Variants in GALNT18 observed in about 807,000 individuals in gnomAD.
GALNT18 encodes the protein GalNAc-transferase 18.
A neutral mutation model predicts 69.5 loss-of-function variants in GALNT18; 44 were observed. The observed-to-expected ratio is 0.63, with a 90% confidence interval of 0.50 to 0.81. The LOEUF (loss-of-function observed/expected upper bound fraction) is 0.81. GALNT18 is among the 40% of genes least tolerant of loss of function. GALNT18 has a pLI of 0.00. For missense variants in GALNT18, 715 were observed against 810.0 expected (o/e 0.88, Z 1.42); for synonymous variants, 364 against 318.2 (o/e 1.14, Z -1.53).
rs140478849 is a variant in GALNT18, at chr11:11,323,292, C to T, written c.1512+3794G>A. Among the ~76,000 whole-genome samples, 693 of 152,312 alleles carry T rather than the reference C, an allele frequency of 4.5e-3. 11 individuals are homozygous for T. Among genetic ancestry groups the T allele is most frequent in the Non-Finnish European group, 3.8e-3 (260 of 68,038 alleles). On this transcript the variant is annotated intron_variant, in intron 9 of 10. Transcript: ENST00000227756. Reference sequence around the variant, plus strand: ...TTCATCCCAAGGCAAAATTTCTCTTCGAATGTGAGCCTGTGGAATTAGATA... The same window carrying T: ...TTCATCCCAAGGCAAAATTTCTCTTTGAATGTGAGCCTGTGGAATTAGATA...
chr11:11,517,155 C>G (rs754237094), intron 1 of GALNT18, among the ~76,000 whole-genome samples: 1 of 152,224 alleles, frequency 6.6e-6, no homozygotes, highest in Non-Finnish European at 1.5e-5. Context: ...GGACTTCCAG[C>G]CTCCAGAACT....
At chr11:11,303,039 T>C (rs1220358010) in intron 9 of GALNT18, among the ~76,000 whole-genome samples, 1 of 152,174 alleles carries the variant, frequency 6.6e-6, no homozygotes, top group African/African-American at 2.4e-5. Context: ...GTCAGCCCTG[T>C]TTGTGGCTAT....
intron 7 of GALNT18, among the ~76,000 whole-genome samples, chr11:11,336,677 C>A (rs1287410669): frequency 1.3e-5 from 2 of 152,122 alleles, no homozygotes; most frequent in South Asian, 4.1e-4. Context: ...AGGGGGTAAA[C>A]CTCCTAGGGA....
intron 3 of GALNT18, among the ~76,000 whole-genome samples, chr11:11,385,284 C>G (rs1349131200): frequency 6.9e-6 from 1 of 145,770 alleles, no homozygotes; most frequent in East Asian, 2.0e-4. Context: ...CCCACCTCCA[C>G]TATTGGGGAT....
chr11:11,581,364 G>A (rs1859079323), intron 1 of GALNT18, among the ~76,000 whole-genome samples: 1 of 152,202 alleles, frequency 6.6e-6, no homozygotes, highest in African/African-American at 2.4e-5. Flanking sequence ...AACAGAGCCA[G>A]GTGCTGGTCA....
At position 11,587,622 on chromosome 11, in the gene GALNT18, C is replaced by T. The variant is rs1859257738; in HGVS notation, c.235+33737G>A. 6.6e-6 allele frequency among the ~76,000 whole-genome samples: 1 copy of T among 152,140 alleles called. No individual in the cohort carries two copies. Among genetic ancestry groups the T allele is most frequent in the Admixed American group, 6.5e-5 (1 of 15,278 alleles). ...GAAGTTGATGTTTTACATGGAATGCCCTCACCAATGCTGTTTCCAAAGTTA... is the reference window on the plus strand; with the variant it reads ...GAAGTTGATGTTTTACATGGAATGCTCTCACCAATGCTGTTTCCAAAGTTA... On this transcript the variant is annotated intron_variant, in intron 1 of 10. Coordinates refer to ENST00000227756, the MANE Select transcript of GALNT18 (RefSeq NM_198516.3). The surrounding 1 kb of genome is among the most constrained non-coding windows in gnomAD (Gnocchi z 4.4).
Position 11,511,696 on chromosome 11 carries a change from G to C in GALNT18, c.236-62760C>G, listed in dbSNP as rs1374723734. On this transcript the variant is annotated intron_variant, in intron 1 of 10. Transcript: ENST00000227756. The surrounding 1 kb of genome is among the most constrained non-coding windows in gnomAD (Gnocchi z 4.9). ...CCTTTGGGAGGTGATTGGATCATAA[G>C]GGTGGAGCCCTCATCAATGGTATAT... 6.6e-6 allele frequency among the ~76,000 whole-genome samples: 1 copy of C among 152,142 alleles called. No homozygotes were observed. The highest frequency in any genetic ancestry group is 1.5e-5 in the Non-Finnish European group (1 of 68,028).
At chr11:11,443,827 G>C (rs879443318) in intron 2 of GALNT18, among the ~76,000 whole-genome samples, 2 of 152,216 alleles carry the variant, frequency 1.3e-5, no homozygotes, top group African/African-American at 4.8e-5. Context: ...TGGCTGAGGG[G>C]TCTGCCCTAC....
intron 10 of GALNT18, among the ~76,000 whole-genome samples, chr11:11,274,668 T>C (rs1848901435): frequency 2.0e-5 from 3 of 152,234 alleles, no homozygotes; most frequent in Admixed American, 2.0e-4. Flanking sequence ...GTCACCTACA[T>C]TAGGTATTTC....
At chr11:11,295,179 G>T (rs1849374107) in intron 9 of GALNT18, among the ~76,000 whole-genome samples, 2 of 152,298 alleles carry the variant, frequency 1.3e-5, no homozygotes, top group Non-Finnish European at 2.9e-5. Flanking sequence ...AAGCTCAGAA[G>T]TCTCTTTAGG....
intron 9 of GALNT18, among the ~76,000 whole-genome samples, chr11:11,306,235 ATG>A (rs1310727049): frequency 7.9e-5 from 12 of 151,524 alleles, no homozygotes; most frequent in Admixed American, 4.0e-4. Context: ...GTGTGTGTGT[ATG>A]TGTGTGTGTG....
rs1287814686 is a variant in GALNT18, at chr11:11,435,527, C to T, written c.429-2740G>A. ...GCTGAACACATTCTCTAGGGCATCA[C>T]ATTCGAACCTGTTTATTGTCTGCCC... On this transcript the variant is annotated intron_variant, in intron 2 of 10. Transcript: ENST00000227756. The surrounding 1 kb of genome is among the most constrained non-coding windows in gnomAD (Gnocchi z 4.4). Among the ~76,000 whole-genome samples the T allele has an allele frequency of 6.6e-6, 1 of 152,214 alleles. No homozygotes were observed. The highest frequency in any genetic ancestry group is 1.5e-5 in the Non-Finnish European group (1 of 68,042).
intron 3 of GALNT18, among the ~76,000 whole-genome samples, chr11:11,380,014 C>A (rs915875890): frequency 2.0e-5 from 3 of 152,224 alleles, no homozygotes; most frequent in African/African-American, 7.2e-5. Flanking sequence ...CCATGACAGC[C>A]CTCACAGTTG....
chr11:11,569,925 G>C (rs1009090695), intron 1 of GALNT18, among the ~76,000 whole-genome samples: 13 of 152,104 alleles, frequency 8.5e-5, no homozygotes, highest in African/African-American at 2.9e-4. Flanking sequence ...GAAGAACTTT[G>C]GTTCGGGGAC....
At chr11:11,514,209 A>C (rs1857220582) in intron 1 of GALNT18, among the ~76,000 whole-genome samples, 1 of 152,250 alleles carries the variant, frequency 6.6e-6, no homozygotes. Context: ...ACAGGGAGTA[A>C]GTGTTGGGGC....
In GALNT18 at chr11:11,606,239, T is replaced by C. The variant is rs11825863; in HGVS notation, c.235+15120A>G. Among the ~76,000 whole-genome samples, 2,025 of 152,272 alleles carry C rather than the reference T, an allele frequency of 0.013. 45 individuals carry two copies. Among genetic ancestry groups the C allele is most frequent in the African/African-American group, 0.047 (1,943 of 41,554 alleles). The stretch of plus-strand genomic sequence containing the variant: ...AAACTCCTACCTAGCCCCTACTGTA[T>C]ACCTGGCACTGTGTGACAAACTGGA... On this transcript the variant is annotated intron_variant, in intron 1 of 10. Coordinates refer to ENST00000227756, the MANE Select transcript of GALNT18 (RefSeq NM_198516.3). This position sits in a 1 kb window ranked among gnomAD's most constrained non-coding sequence, Gnocchi z 5.4.
In GALNT18 at chr11:11,573,186, A is replaced by G. The variant is rs117801250; in HGVS notation, c.235+48173T>C. Among the ~76,000 whole-genome samples, 1,144 of 152,306 alleles carry G rather than the reference A, an allele frequency of 7.5e-3. 8 individuals carry two copies. The highest frequency in any genetic ancestry group is 0.038 in the South Asian group (182 of 4,818). On this transcript the variant is annotated intron_variant, in intron 1 of 10. Transcript: ENST00000227756. The surrounding 1 kb of genome is among the most constrained non-coding windows in gnomAD (Gnocchi z 4.6). ...CAGCGCCCCTCCAGAGAGCATGTTC[A>G]TGTTCATTATGGTGGGCGGCCTTGA...
chr11:11,284,243 C>T (rs1381575378), intron 10 of GALNT18, among the ~76,000 whole-genome samples: 1 of 152,194 alleles, frequency 6.6e-6, no homozygotes, highest in African/African-American at 2.4e-5. Flanking sequence ...ATCTTTCTGC[C>T]TCAGTTTCCC....
chr11:11,435,117 A>G lies in GALNT18; in HGVS notation c.429-2330T>C, dbSNP rs1427588549. 6.6e-6 allele frequency among the ~76,000 whole-genome samples: 1 copy of G among 152,214 alleles called. No individual in the cohort carries two copies. On this transcript the variant is annotated intron_variant, in intron 2 of 10. Transcript: ENST00000227756. This position sits in a 1 kb window ranked among gnomAD's most constrained non-coding sequence, Gnocchi z 4.4. ...TTGGCACAAGTTCACTGTCCTCCCT[A>G]CTAAAACTCCACCAGCAATGAAGAC...
Sources: allele counts gnomAD v4.1 joint callset (sites outside exome capture counted in the v4.1 genomes callset), GRCh38; gene constraint gnomAD v4.1.1; non-coding constraint Gnocchi (gnomAD v3.1); transcripts MANE v1.5; gene names NCBI Gene and HGNC (gene_info 2026-07-23, HGNC 2026-07-21).